The following FZR1 variants were observed in gnomAD, a reference collection of about 807,000 sequenced individuals.
FZR1 encodes fizzy-related protein homolog.
Under a neutral mutation model 63.6 loss-of-function variants are expected in FZR1, and 11 were observed. The observed-to-expected ratio is 0.17, with a 90% confidence interval of 0.11 to 0.29. The LOEUF (loss-of-function observed/expected upper bound fraction) is 0.29, where lower values mean the gene tolerates loss of function less well. FZR1 is among the 10% of genes least tolerant of loss of function. The probability of loss-of-function intolerance (pLI) is 1.00; values close to 1 mark genes in which losing one functional copy is unlikely to be tolerated. For synonymous variants in FZR1, 328 were observed against 297.9 expected (o/e 1.10, Z -1.04); for missense variants, 440 against 687.5 (o/e 0.64, Z 4.03).
rs1368210446 is a variant in FZR1 at position 3,526,079 on chromosome 19, C to T, written c.196-41C>T. 1 of 1,611,006 alleles carries T rather than the reference C, an allele frequency of 6.2e-7. No homozygotes were observed. Among genetic ancestry groups the T allele is most frequent in the Non-Finnish European group, 8.5e-7 (1 of 1,178,458 alleles). Reference sequence around the variant, plus strand: ...TCCTTGCTCTAGGGCCGGGAACAAGCGGGCTCCTCGACCCCTCCCTCTCTG... The same window carrying T: ...TCCTTGCTCTAGGGCCGGGAACAAGTGGGCTCCTCGACCCCTCCCTCTCTG... On this transcript the variant is annotated intron_variant, in intron 3 of 13. Transcript: ENST00000441788. This position sits in a 1 kb window ranked among gnomAD's most constrained non-coding sequence, Gnocchi z 5.4.
In FZR1 at chr19:3,532,632, C is replaced by G. The variant is rs1335915548; in HGVS notation, c.1224C>G (p.Ser408=). The G allele has an allele frequency of 6.2e-7, 1 of 1,611,914 alleles. No individual in the cohort carries two copies. Among genetic ancestry groups the G allele is most frequent in the Non-Finnish European group, 8.5e-7 (1 of 1,179,228 alleles). Residue 408 remains serine, a synonymous_variant, in exon 11 of 14, where the codon TCC becomes TCG. Transcript: ENST00000441788. ...TGSQVCNLAW[S]KHANELVSTH... ...CCCAAGTGTGCAATCTGGCCTGGTC[C>G]AAGCACGCCAACGAGCTGGTGAGCA...
chr19:3,517,261 A>G (rs1440145132), intron 1 of FZR1, among the ~76,000 whole-genome samples: 2 of 152,124 alleles, frequency 1.3e-5, no homozygotes, highest in African/African-American at 4.8e-5. Flanking sequence ...CTGGTGGAGT[A>G]CACCTGTGGT....
Position 3,525,825 on chromosome 19 carries a change from G to A in FZR1, c.70-43G>A, listed in dbSNP as rs1223569789. 1 of 1,596,738 alleles carries A rather than the reference G, an allele frequency of 6.3e-7. No individual in the cohort carries two copies. Among genetic ancestry groups the A allele is most frequent in the African/African-American group, 1.3e-5 (1 of 74,694 alleles). The stretch of plus-strand genomic sequence containing the variant: ...GGCTGGCCTGGGGGCACTCTCGGGG[G>A]GCTCTCGGTGCTGAGAGCAAGCCCT... On this transcript the variant is annotated intron_variant, in intron 2 of 13. Transcript: ENST00000441788. The surrounding 1 kb of genome is among the most constrained non-coding windows in gnomAD (Gnocchi z 4.2).
At chr19:3,532,675 C>G in intron 11 of FZR1, 25 bp downstream of exon 11, 1 of 1,522,248 alleles carries the variant, frequency 6.6e-7, no homozygotes, top group South Asian at 1.1e-5. Context: ...CCCGGCCTCC[C>G]ACCAGGCCTC....
chr19:3,530,116 A>G (rs867008557), intron 7 of FZR1, among the ~76,000 whole-genome samples: 1 of 110,128 alleles, frequency 9.1e-6, no homozygotes. Context: ...GAGGGAGCGG[A>G]TGGGTGAGCG....
Position 3,533,457 on chromosome 19 carries a change from AC to A in FZR1, c.1347+63del. 1.1e-6 allele frequency: 1 copy of A among 947,730 alleles called. No homozygotes were observed. 58.7% of individuals were successfully genotyped at this position (947,730 alleles called of 1,614,324 possible). A position where few individuals can be genotyped will look rare whatever the true frequency, so the allele number is the denominator to read the frequency against. On this transcript the variant is annotated intron_variant, in intron 12 of 13. Coordinates refer to ENST00000441788, the MANE Select transcript of FZR1 (RefSeq NM_016263.4). The surrounding 1 kb of genome is among the most constrained non-coding windows in gnomAD (Gnocchi z 4.9). ...GGATTCTGGACAAACTGCCATGGCC[AC>A]CCCAGAGCACCCTGTCCTGTGTTCT...
chr19:3,528,542 G>A (rs2083187086), intron 7 of FZR1, among the ~76,000 whole-genome samples: 1 of 152,110 alleles, frequency 6.6e-6, no homozygotes, highest in Non-Finnish European at 1.5e-5. Context: ...TCCCCTGTAT[G>A]TGTGTGGCAG....
At chr19:3,513,019 C>G (rs751533596) in intron 1 of FZR1, among the ~76,000 whole-genome samples, 4 of 152,116 alleles carry the variant, frequency 2.6e-5, no homozygotes, top group Non-Finnish European at 5.9e-5. Context: ...GGACATCACG[C>G]CCAGGCACCC....
In FZR1 at chr19:3,526,256, C is replaced by T. The variant is rs752413539; in HGVS notation, c.260-3C>T. 6.2e-7 allele frequency: 1 copy of T among 1,611,812 alleles called. No homozygotes were observed. The highest frequency in any genetic ancestry group is 2.2e-5 in the East Asian group (1 of 44,850). ...CCCGCCTCACTGTGCTTGGTGCCCG[C>T]AGACGGCCTGGCCTACTCTGCCCTG... On this transcript the variant is annotated splice_region_variant and splice_polypyrimidine_tract_variant and intron_variant, in intron 4 of 13. Coordinates refer to ENST00000441788, the MANE Select transcript of FZR1 (RefSeq NM_016263.4). The surrounding 1 kb of genome is among the most constrained non-coding windows in gnomAD (Gnocchi z 5.4).
intron 1 of FZR1, among the ~76,000 whole-genome samples, chr19:3,519,488 C>T (rs12972856): frequency 0.41 from 61,844 of 152,068 alleles, 14,117 homozygotes; most frequent in East Asian, 0.84. Flanking sequence ...ACAAGTTCCT[C>T]GCCGCTTGGC....
chr19:3,531,873 G>C, intron 9 of FZR1, 38 bp from the exon 10 acceptor site: 1 of 1,566,162 alleles, frequency 6.4e-7, no homozygotes. Flanking sequence ...CTCCGCGAGG[G>C]CAGGAGAGGC....
chr19:3,530,410 G>A (rs1264519651), intron 7 of FZR1, among the ~76,000 whole-genome samples: 1 of 111,176 alleles, frequency 9.0e-6, no homozygotes, highest in Non-Finnish European at 1.9e-5. Flanking sequence ...ATGGGAGAGC[G>A]CATGGGAGAG....
At position 3,530,799 on chromosome 19, in the gene FZR1, G is replaced by A. The variant is rs1343813496; in HGVS notation, c.662G>A (p.Arg221Gln). ...ACTGACCTCTGCCTCCAGGTGACGCGGCTCTGTGACCTCTCAGTGGAAGGG... is the reference window on the plus strand; with the variant it reads ...ACTGACCTCTGCCTCCAGGTGACGCAGCTCTGTGACCTCTCAGTGGAAGGG... ...LWSACTSQVT[R>Q]LCDLSVEGDS... Residue 221 changes from arginine to glutamine, a missense_variant, in exon 8 of 14, where the codon CGG (arginine) becomes CAG (glutamine). This residue lies in a region of FZR1 where 208 missense variants were observed against 363.6 expected (regional missense o/e 0.57). Transcript: ENST00000441788. 1.2e-6 allele frequency: 2 copies of A among 1,612,872 alleles called. No homozygotes were observed. Among genetic ancestry groups the A allele is most frequent in the Non-Finnish European group, 1.7e-6 (2 of 1,179,590 alleles).
chr19:3,525,900 C>T lies in FZR1; in HGVS notation c.102C>T (p.Ala34=), dbSNP rs1467510068. ...AGATGCGGCGGACCCTGACGCCTGC[C>T]AGCTCCCCAGTGTCCTCGCCCAGCA... is the stretch of plus-strand genomic sequence containing the variant. ...VTEMRRTLTP[A]SSPVSSPSKH... Residue 34 remains alanine (A), a synonymous_variant, in exon 3 of 14, where the codon GCC becomes GCT. Transcript: ENST00000441788. The surrounding 1 kb of genome is among the most constrained non-coding windows in gnomAD (Gnocchi z 4.2). 2.5e-6 allele frequency: 4 copies of T among 1,612,290 alleles called. No individual in the cohort carries two copies. The highest frequency in any genetic ancestry group is 2.2e-5 in the East Asian group (1 of 44,858).
At chr19:3,518,234 G>A (rs62130577) in intron 1 of FZR1, among the ~76,000 whole-genome samples, 3,520 of 152,048 alleles carry the variant, frequency 0.023, 41 homozygotes, top group Non-Finnish European at 0.038. Flanking sequence ...GGCTGGTGTC[G>A]AACTCCTGAG....
At position 3,527,027 on chromosome 19, in the gene FZR1, G is replaced by C; in HGVS notation, c.435G>C (p.Val145=). 3.1e-6 allele frequency: 5 copies of C among 1,612,656 alleles called. No homozygotes were observed. Among genetic ancestry groups the C allele is most frequent in the Non-Finnish European group, 4.2e-6 (5 of 1,179,598 alleles). ...CCAGCCCCGATGACGGCAACGATGT[G>C]TCTCCCTACTCCCTGTCTCCCGTCA... ...KRSSPDDGND[V]SPYSLSPVSN... Residue 145 remains valine (V), a synonymous_variant, in exon 6 of 14, where the codon GTG becomes GTC. Transcript: ENST00000441788.
intron 1 of FZR1, among the ~76,000 whole-genome samples, chr19:3,511,782 G>A (rs947425392): frequency 2.6e-5 from 4 of 152,130 alleles, no homozygotes; most frequent in African/African-American, 7.2e-5. Context: ...TGGCTCACAC[G>A]GGCACCCTGG....
At chr19:3,513,406 C>T (rs145378534) in intron 1 of FZR1, among the ~76,000 whole-genome samples, 1 of 152,176 alleles carries the variant, frequency 6.6e-6, no homozygotes, top group Non-Finnish European at 1.5e-5. Flanking sequence ...GACACTTCGC[C>T]TCCTGGGGCA....
chr19:3,535,244 C>T lies in FZR1; in HGVS notation c.*408C>T, dbSNP rs772290090. The T allele has an allele frequency of 9.9e-5, 18 of 182,062 alleles. No individual in the cohort carries two copies. Among genetic ancestry groups the T allele is most frequent in the Middle Eastern group, 2.1e-3 (1 of 472 alleles). The allele number at this position is 182,062 out of a possible 1,614,324, so 11.3% of individuals were successfully genotyped here. ...TCTGCACAGAACAGACCACCAGACG[C>T]CAGGGCTGATTGGTGGGGGCCTGAG... On this transcript the variant is annotated 3_prime_UTR_variant, in exon 14 of 14. Coordinates refer to ENST00000441788, the MANE Select transcript of FZR1 (RefSeq NM_016263.4).
Sources: gnomAD v4.1 joint callset for allele counts (sites outside exome capture counted in the v4.1 genomes callset) on GRCh38, gnomAD v4.1.1 for gene constraint, gnomAD v4.1.1 regional missense constraint, Gnocchi (gnomAD v3.1) non-coding constraint, MANE v1.5 for transcripts, NCBI Gene and HGNC (gene_info 2026-07-23, HGNC 2026-07-21) for gene names.